Variants in COL16A1 observed in about 807,000 individuals in gnomAD.
COL16A1 encodes the protein collagen type XVI alpha 1 chain.
Under a neutral mutation model 266.3 loss-of-function variants are expected in COL16A1, and 189 were observed. That is an observed-to-expected ratio of 0.71 (90% CI 0.63 to 0.80). The LOEUF is 0.80. COL16A1 is among the 30% of genes least tolerant of loss of function. COL16A1 has a pLI of 0.00. For synonymous variants in COL16A1, 740 were observed against 782.3 expected (o/e 0.95, Z 0.90); for missense variants, 1,928 against 2,122.4 (o/e 0.91, Z 1.80).
intron 48 of COL16A1, 139 bp downstream of exon 48, chr1:31,671,476 C>G (rs562599542): frequency 9.6e-7 from 1 of 1,037,486 alleles, no homozygotes; most frequent in East Asian, 2.6e-5. Flanking sequence ...AGATGCTCTG[C>G]GGAGGGATGG....
intron 48 of COL16A1, 151 bp downstream of exon 48, chr1:31,671,464 G>T: frequency 1.1e-6 from 1 of 939,824 alleles, no homozygotes; most frequent in Non-Finnish European, 1.6e-6. Context: ...CACAGTCCCT[G>T]CAGATGCTCT....
chr1:31,691,309 G>A, intron 19 of COL16A1, 83 bp from the exon 20 acceptor site: 1 of 1,595,090 alleles, frequency 6.3e-7, no homozygotes, highest in Non-Finnish European at 8.5e-7. Context: ...CTCTCCTCCA[G>A]CCAGGATCCC....
chr1:31,680,607 A>G (rs1357215275), intron 39 of COL16A1, among the ~76,000 whole-genome samples: 1 of 152,000 alleles, frequency 6.6e-6, no homozygotes, highest in Admixed American at 6.6e-5. Flanking sequence ...TGCCCTCCTA[A>G]GGGGGCCTTG....
rs572452657 is a variant in COL16A1, at chr1:31,697,473, C to T, written c.658-173G>A. Among the ~76,000 whole-genome samples the T allele has an allele frequency of 9.9e-5, 15 of 152,276 alleles. No individual in the cohort carries two copies. In the South Asian group the frequency reaches 1.4e-3, roughly 15 times the overall value. On this transcript the variant is annotated intron_variant, in intron 6 of 70. Transcript: ENST00000373672. This position sits in a 1 kb window ranked among gnomAD's most constrained non-coding sequence, Gnocchi z 4.2. ...TCACCAAAGGCAGAACAAAACTGCGCACACAGGAACGAGGGAGAGGAGGCC... is the reference window on the plus strand; with the variant it reads ...TCACCAAAGGCAGAACAAAACTGCGTACACAGGAACGAGGGAGAGGAGGCC...
intron 49 of COL16A1, chr1:31,669,894 G>T (rs7537646): frequency 6.6e-6 from 1 of 152,166 alleles, no homozygotes; most frequent in Non-Finnish European, 1.5e-5. Flanking sequence ...GGGCAGGGCC[G>T]CACGACACCC....
At chr1:31,694,734 G>A (rs1160511027) in intron 11 of COL16A1, among the ~76,000 whole-genome samples, 1 of 152,168 alleles carries the variant, frequency 6.6e-6, no homozygotes, top group Non-Finnish European at 1.5e-5. Flanking sequence ...GACCCCCATA[G>A]GAAGGCTGGA....
In COL16A1 at chr1:31,697,124, G is replaced by A. The variant is rs769830552; in HGVS notation, c.739-36C>T. Reference sequence around the variant, plus strand: ...GAAGAGCGGGGCTAGGGTCAGTACAGGAGCAGACTCCTCCTAAGACCTCCA... The same window carrying A: ...GAAGAGCGGGGCTAGGGTCAGTACAAGAGCAGACTCCTCCTAAGACCTCCA... On this transcript the variant is annotated intron_variant, in intron 7 of 70. Transcript: ENST00000373672. The surrounding 1 kb of genome is among the most constrained non-coding windows in gnomAD (Gnocchi z 4.2). 6.2e-7 allele frequency: 1 copy of A among 1,613,670 alleles called. No homozygotes were observed. Among genetic ancestry groups the A allele is most frequent in the Non-Finnish European group, 8.5e-7 (1 of 1,179,710 alleles).
rs191738708 is a variant in COL16A1 at position 31,672,521 on chromosome 1, G to C, written c.3019-19C>G. ...TGTCACCCTGGAGAAGGATGGAGAC[G>C]GTGATAGTGAGCAGTCAGGGCCTGT... On this transcript the variant is annotated intron_variant, in intron 46 of 70. Transcript: ENST00000373672. 1 of 1,614,078 alleles carries C rather than the reference G, an allele frequency of 6.2e-7. No homozygotes were observed.
Position 31,657,249 on chromosome 1 carries a change from C to A in COL16A1, c.4021-181G>T. On this transcript the variant is annotated intron_variant, in intron 64 of 70. Transcript: ENST00000373672. The surrounding 1 kb of genome is among the most constrained non-coding windows in gnomAD (Gnocchi z 6.4). ...AAACTTAGACCCCCACCCCATACTCCAGCGTGATCCCAGAGCCCCAACAGC... is the reference window on the plus strand; with the variant it reads ...AAACTTAGACCCCCACCCCATACTCAAGCGTGATCCCAGAGCCCCAACAGC... 1 of 669,920 alleles carries A rather than the reference C, an allele frequency of 1.5e-6. No homozygotes were observed. The highest frequency in any genetic ancestry group is 2.7e-5 in the East Asian group (1 of 36,668). 41.5% of individuals were successfully genotyped at this position (669,920 alleles called of 1,614,324 possible). A position where few individuals can be genotyped will look rare whatever the true frequency, so the allele number is the denominator to read the frequency against.
At position 31,656,947 on chromosome 1, in the gene COL16A1, T is replaced by G; in HGVS notation, c.4056+86A>C. 1.9e-6 allele frequency: 3 copies of G among 1,575,756 alleles called. No individual in the cohort carries two copies. Among genetic ancestry groups the G allele is most frequent in the Non-Finnish European group, 2.6e-6 (3 of 1,145,952 alleles). On this transcript the variant is annotated intron_variant, in intron 65 of 70. Coordinates refer to ENST00000373672, the MANE Select transcript of COL16A1 (RefSeq NM_001856.4). The surrounding 1 kb of genome is among the most constrained non-coding windows in gnomAD (Gnocchi z 4.2). The stretch of plus-strand genomic sequence containing the variant: ...GACAGCCCGTACATAGAAGGAATGT[T>G]TACTGAAAAAAATGAAGAGGGGTCA...
Position 31,652,860 on chromosome 1 carries a change from AG to A in COL16A1, c.4613-8del. ...CCTGGAGGACCTTGAGGACCTAGGG[AG>A]GGAAGGGCCACAGAGGGAAAATCAG... On this transcript the variant is annotated splice_polypyrimidine_tract_variant and splice_region_variant and intron_variant, in intron 70 of 70. Transcript: ENST00000373672. This position sits in a 1 kb window ranked among gnomAD's most constrained non-coding sequence, Gnocchi z 4.8. 1 of 1,496,338 alleles carries A rather than the reference AG, an allele frequency of 6.7e-7. No individual in the cohort carries two copies. The highest frequency in any genetic ancestry group is 8.9e-7 in the Non-Finnish European group (1 of 1,124,600). 92.7% of individuals were successfully genotyped at this position (1,496,338 alleles called of 1,614,324 possible).
intron 39 of COL16A1, among the ~76,000 whole-genome samples, chr1:31,680,464 A>G (rs72887326): frequency 0.063 from 9,627 of 151,636 alleles, 776 homozygotes; most frequent in African/African-American, 0.19. Context: ...CTGCAGCCCC[A>G]CTCCTCTGGG....
Position 31,697,100 on chromosome 1 carries a change from A to AAG in COL16A1, c.739-14_739-13dup. The AAG allele has an allele frequency of 6.2e-7, 1 of 1,613,974 alleles. No individual in the cohort carries two copies. The highest frequency in any genetic ancestry group is 8.5e-7 in the Non-Finnish European group (1 of 1,179,968). On this transcript the variant is annotated splice_polypyrimidine_tract_variant and intron_variant, in intron 7 of 70. Coordinates refer to ENST00000373672, the MANE Select transcript of COL16A1 (RefSeq NM_001856.4). The surrounding 1 kb of genome is among the most constrained non-coding windows in gnomAD (Gnocchi z 4.2). ...GTCTCTGGGGGGCACTGTTTGGTGG[A>AAG]AGAGCGGGGCTAGGGTCAGTACAGG...
rs1332167994 is a variant in COL16A1, at chr1:31,684,231, C to T, written c.2161G>A (p.Gly721Ser). Reference protein sequence around the residue: ...QGPAGPKGEKGDGCTACPSLQ... With the variant: ...QGPAGPKGEKSDGCTACPSLQ... The stretch of plus-strand genomic sequence containing the variant: ...CTGGGGCAGGCAGTGCAGCCATCAC[C>T]CTGGTCAGAGATGGGTACAGCCAGG... Residue 721 changes from glycine to serine, a missense_variant and splice_region_variant, in exon 32 of 71, where the codon GGT (glycine) becomes AGT (serine). Around this residue, in one of 2 missense-constraint regions of COL16A1, gnomAD observed 1,552 missense variants for 1,637.2 expected, o/e 0.95. Coordinates refer to ENST00000373672, the MANE Select transcript of COL16A1 (RefSeq NM_001856.4). The T allele has an allele frequency of 6.7e-7, 1 of 1,490,960 alleles. No homozygotes were observed. Among genetic ancestry groups the T allele is most frequent in the African/African-American group, 1.4e-5 (1 of 71,330 alleles). The allele number at this position is 1,490,960 out of a possible 1,614,324, so 92.4% of individuals were successfully genotyped here.
At chr1:31,667,865 G>C (rs1410103887) in intron 51 of COL16A1, among the ~76,000 whole-genome samples, 2 of 152,094 alleles carry the variant, frequency 1.3e-5, no homozygotes, top group Non-Finnish European at 2.9e-5. Flanking sequence ...GCACCTCTAA[G>C]CTGTCTCTCC....
rs757697770 is a variant in COL16A1 at position 31,693,093 on chromosome 1, C to T, written c.1070G>A (p.Arg357Gln). 43 of 1,603,656 alleles carry T rather than the reference C, an allele frequency of 2.7e-5. No homozygotes were observed. Among genetic ancestry groups the T allele is most frequent in the Admixed American group, 3.3e-5 (2 of 59,908 alleles). The change falls in exon 13 of 71, where the codon CGG (arginine) becomes CAG (glutamine). Residue 357 changes from arginine (R) to glutamine (Q), a missense_variant and splice_region_variant. Transcript: ENST00000373672. ...PPGSKGEKGA[R>Q]GNDCVRISPD... ...CACGGGCAGGGCTGGGACACTTACC[C>T]GTGCTCCCTTCTCTCCCTTGGAGCC...
chr1:31,685,799 G>A lies in COL16A1; in HGVS notation c.1885-29C>T, dbSNP rs756758603. On this transcript the variant is annotated intron_variant, in intron 28 of 70. Coordinates refer to ENST00000373672, the MANE Select transcript of COL16A1 (RefSeq NM_001856.4). This position sits in a 1 kb window ranked among gnomAD's most constrained non-coding sequence, Gnocchi z 4.0. ...CCAAGCAAGGACATTGAGTTAGGGG[G>A]TCCCCCAGGCCCTAGTGCACTTGAG... 5 of 1,611,876 alleles carry A rather than the reference G, an allele frequency of 3.1e-6. No individual in the cohort carries two copies. The Admixed American group carries it at 6.7e-5, about 22-fold the overall frequency.
chr1:31,655,214 T>G (rs1322416411), intron 67 of COL16A1, 100 bp downstream of exon 67: 23 of 1,507,618 alleles, frequency 1.5e-5, no homozygotes, highest in Non-Finnish European at 2.0e-5. Context: ...CCAGGCTCTT[T>G]CCCACAGAAT....
chr1:31,676,851 G>C (rs1378420387), intron 42 of COL16A1, among the ~76,000 whole-genome samples: 1 of 152,188 alleles, frequency 6.6e-6, no homozygotes, highest in Non-Finnish European at 1.5e-5. Flanking sequence ...GCTCCTCCCT[G>C]CACAGGATTT....
Sources: gnomAD v4.1 joint callset for allele counts (sites outside exome capture counted in the v4.1 genomes callset) on GRCh38, gnomAD v4.1.1 for gene constraint, gnomAD v4.1.1 regional missense constraint, Gnocchi (gnomAD v3.1) non-coding constraint, MANE v1.5 for transcripts, NCBI Gene and HGNC (gene_info 2026-07-23, HGNC 2026-07-21) for gene names.